ARHGEF12: variants seen among roughly 807,000 people sequenced by gnomAD.
The protein encoded by ARHGEF12 is KMT2A/ARHGEF12 fusion protein.
ARHGEF12 carries 66 observed loss-of-function variants against 211.2 expected under a neutral mutation model. That is an observed-to-expected ratio of 0.31 (90% CI 0.26 to 0.38). The LOEUF (loss-of-function observed/expected upper bound fraction) is 0.38. Ranked by LOEUF, ARHGEF12 falls within the 10% of genes least tolerant of loss-of-function variation. The pLI is 1.00. For missense variants in ARHGEF12, 1,429 were observed against 1,869.5 expected (o/e 0.76, Z 4.34); for synonymous variants, 592 against 638.4 (o/e 0.93, Z 1.09).
intron 1 of ARHGEF12, among the ~76,000 whole-genome samples, chr11:120,350,904 A>G (rs1942915279): frequency 6.6e-6 from 1 of 152,192 alleles, no homozygotes; most frequent in South Asian, 2.1e-4. Flanking sequence ...AATGTGATAA[A>G]TATGATGATC....
In ARHGEF12 at chr11:120,488,468, T is replaced by C. The variant is rs113187016; in HGVS notation, c.*3391T>C. 3.5e-3 allele frequency: 761 copies of C among 217,016 alleles called. 3 individuals are homozygous for C. Among genetic ancestry groups the C allele is most frequent in the African/African-American group, 0.016 (725 of 44,526 alleles). The allele number at this position is 217,016 out of a possible 1,614,324, so 13.4% of individuals were successfully genotyped here. On this transcript the variant is annotated 3_prime_UTR_variant, in exon 41 of 41. Transcript: ENST00000397843. ...TATAAGTCATTTTTTTCCTGATATTTCCACCACTTTTCAGAGTCATCTACA... is the reference window on the plus strand; with the variant it reads ...TATAAGTCATTTTTTTCCTGATATTCCCACCACTTTTCAGAGTCATCTACA...
At chr11:120,404,017 T>C (rs1944619131) in intron 1 of ARHGEF12, among the ~76,000 whole-genome samples, 1 of 152,234 alleles carries the variant, frequency 6.6e-6, no homozygotes, top group African/African-American at 2.4e-5. Context: ...TTTTCTCTTT[T>C]CTAATTCATT....
chr11:120,403,343 C>A (rs975575670), intron 1 of ARHGEF12, among the ~76,000 whole-genome samples: 19 of 151,986 alleles, frequency 1.3e-4, no homozygotes, highest in African/African-American at 4.6e-4. Context: ...CCCGTCTCTA[C>A]TAAAAATACA....
At chr11:120,475,990 T>C (rs1265363645) in intron 33 of ARHGEF12, 1 of 153,166 alleles carries the variant, frequency 6.5e-6, no homozygotes, top group Non-Finnish European at 1.5e-5. Context: ...CACTGAATAT[T>C]ATTAACTAAC....
chr11:120,399,600 G>A (rs527252828), intron 1 of ARHGEF12, among the ~76,000 whole-genome samples: 149 of 152,112 alleles, frequency 9.8e-4, no homozygotes, highest in African/African-American at 3.4e-3. Context: ...TCTGTGATTT[G>A]GGGTTAGTAT....
intron 1 of ARHGEF12, among the ~76,000 whole-genome samples, chr11:120,398,205 G>T (rs2135531732): frequency 6.6e-6 from 1 of 152,302 alleles, no homozygotes; most frequent in South Asian, 2.1e-4. Context: ...TGTGTGTTAA[G>T]TATATTAGGA....
intron 1 of ARHGEF12, among the ~76,000 whole-genome samples, chr11:120,361,449 G>A (rs946857706): frequency 6.6e-6 from 1 of 152,136 alleles, no homozygotes; most frequent in Non-Finnish European, 1.5e-5. Flanking sequence ...CACTAAATCC[G>A]TCCCTGGTGC....
intron 1 of ARHGEF12, among the ~76,000 whole-genome samples, chr11:120,339,005 C>CTTTTTTTTTTTTT (rs906260027): frequency 3.0e-4 from 37 of 121,980 alleles, no homozygotes; most frequent in African/African-American, 5.6e-4. Flanking sequence ...TTTTCTTTTT[C>CTTTTTTTTTTTTT]TTTTTTTTTT....
intron 1 of ARHGEF12, among the ~76,000 whole-genome samples, chr11:120,386,706 G>A (rs1055131893): frequency 6.6e-6 from 1 of 152,096 alleles, no homozygotes; most frequent in Non-Finnish European, 1.5e-5. Flanking sequence ...TGACATGTAG[G>A]TGTTTTACAT....
At chr11:120,382,954 A>G (rs550768337) in intron 1 of ARHGEF12, among the ~76,000 whole-genome samples, 4 of 152,324 alleles carry the variant, frequency 2.6e-5, no homozygotes, top group Admixed American at 2.6e-4. Flanking sequence ...CCTGGCTAAC[A>G]TGGTGAAACC....
intron 11 of ARHGEF12, among the ~76,000 whole-genome samples, chr11:120,436,382 A>G (rs1442114771): frequency 1.3e-5 from 2 of 152,156 alleles, no homozygotes; most frequent in Non-Finnish European, 2.9e-5. Context: ...ATATCTTGCT[A>G]TATGCATAGG....
chr11:120,420,537 A>T (rs1038637307), intron 4 of ARHGEF12, among the ~76,000 whole-genome samples: 1 of 152,204 alleles, frequency 6.6e-6, no homozygotes, highest in Admixed American at 6.5e-5. Flanking sequence ...CAATTCTATT[A>T]TACTCCGCCA....
chr11:120,337,798 C>A (rs1159176836), intron 1 of ARHGEF12: 1 of 985,340 alleles, frequency 1.0e-6, no homozygotes, highest in Non-Finnish European at 1.2e-6. Context: ...TAATAACTTT[C>A]CAGAATGTTG....
chr11:120,484,403 G>C, intron 39 of ARHGEF12, 35 bp from the exon 40 acceptor site: 1 of 1,586,994 alleles, frequency 6.3e-7, no homozygotes, highest in South Asian at 1.1e-5. Flanking sequence ...GTTTCATTAC[G>C]TTTGAATAAA....
intron 1 of ARHGEF12, among the ~76,000 whole-genome samples, chr11:120,358,356 G>C (rs1159569673): frequency 2.6e-5 from 4 of 152,118 alleles, no homozygotes; most frequent in African/African-American, 7.2e-5. Context: ...TCTGGGTTGT[G>C]TCCTTGGGTA....
chr11:120,393,912 C>T (rs145887489), intron 1 of ARHGEF12, among the ~76,000 whole-genome samples: 293 of 151,288 alleles, frequency 1.9e-3, no homozygotes, highest in Non-Finnish European at 3.4e-3. Context: ...ATGACAGACA[C>T]AATTCTGGGC....
At chr11:120,376,089 C>T (rs1046435526) in intron 1 of ARHGEF12, among the ~76,000 whole-genome samples, 8 of 152,082 alleles carry the variant, frequency 5.3e-5, no homozygotes, top group African/African-American at 1.9e-4. Context: ...TAATGTTTAT[C>T]AGATTTCTCC....
intron 1 of ARHGEF12, among the ~76,000 whole-genome samples, chr11:120,351,169 G>A (rs1223644771): frequency 6.6e-6 from 1 of 150,968 alleles, no homozygotes; most frequent in African/African-American, 2.4e-5. Flanking sequence ...CTAACACGGT[G>A]AAACCCCGTC....
At position 120,486,486 on chromosome 11, in the gene ARHGEF12, T is replaced by A. The variant is rs570199528; in HGVS notation, c.*1409T>A. ...AGCGTTAGCAGCACCCTACAGAGGG[T>A]AAGTTTCAGAATTGTAATTTGAGAA... On this transcript the variant is annotated 3_prime_UTR_variant, in exon 41 of 41. Coordinates refer to ENST00000397843, the MANE Select transcript of ARHGEF12 (RefSeq NM_015313.3). 15 of 230,708 alleles carry A rather than the reference T, an allele frequency of 6.5e-5. No individual in the cohort carries two copies. The South Asian group carries it at 1.6e-3, about 25-fold the overall frequency. 14.3% of individuals were successfully genotyped at this position (230,708 alleles called of 1,614,324 possible). A position where few individuals can be genotyped will look rare whatever the true frequency, so the allele number is the denominator to read the frequency against.
Sources: gnomAD v4.1 joint callset for allele counts (sites outside exome capture counted in the v4.1 genomes callset) on GRCh38, gnomAD v4.1.1 for gene constraint, MANE v1.5 for transcripts, NCBI Gene and HGNC (gene_info 2026-07-23, HGNC 2026-07-21) for gene names.